MALRD1: variants seen among roughly 807,000 people sequenced by gnomAD.
MALRD1 encodes the protein MAM and LDL-receptor class A domain-containing protein 1.
In MALRD1, 247 loss-of-function variants were observed where a neutral mutation model predicts 242.1. That is an observed-to-expected ratio of 1.02 (90% CI 0.92 to 1.13). The LOEUF is 1.13. MALRD1 is among the 50% of genes most tolerant of loss of function. MALRD1 has a pLI of 0.00. For synonymous variants in MALRD1, 995 were observed against 866.6 expected, an observed-to-expected ratio of 1.15 and a Z score of -2.60; for missense variants, 2,989 against 2,533.1, an observed-to-expected ratio of 1.18 and a Z score of -3.86.
intron 21 of MALRD1, among the ~76,000 whole-genome samples, chr10:19,306,253 A>G (rs1466936527): frequency 1.5e-5 from 2 of 134,864 alleles, no homozygotes; most frequent in African/African-American, 5.4e-5. Context: ...ATACTATACT[A>G]TAGTATAGTA....
chr10:19,502,893 T>C (rs1343477891), intron 31 of MALRD1, among the ~76,000 whole-genome samples: 2 of 151,564 alleles, frequency 1.3e-5, no homozygotes, highest in Non-Finnish European at 2.9e-5. Context: ...ACACGAGTGT[T>C]CAATTGATAC....
intron 21 of MALRD1, among the ~76,000 whole-genome samples, chr10:19,315,260 A>G (rs1257624077): frequency 2.0e-5 from 1 of 51,254 alleles, no homozygotes; most frequent in Non-Finnish European, 3.2e-5. Flanking sequence ...ATATAAATAT[A>G]TAAATATAAT....
At chr10:19,459,076 A>T (rs1835808963) in intron 29 of MALRD1, among the ~76,000 whole-genome samples, 1 of 152,118 alleles carries the variant, frequency 6.6e-6, no homozygotes, top group South Asian at 2.1e-4. Flanking sequence ...TTGGAAGCAA[A>T]TACATTTGCT....
chr10:19,637,219 T>G (rs1426988236), intron 36 of MALRD1, among the ~76,000 whole-genome samples: 1 of 152,144 alleles, frequency 6.6e-6, no homozygotes, highest in East Asian at 1.9e-4. Flanking sequence ...AACTCCCATA[T>G]CTGATGGTTT....
intron 21 of MALRD1, among the ~76,000 whole-genome samples, chr10:19,286,657 C>G (rs1469077819): frequency 1.3e-5 from 2 of 151,726 alleles, no homozygotes; most frequent in African/African-American, 4.8e-5. Flanking sequence ...ATAACAGGAG[C>G]TGAAATTGTG....
At chr10:19,355,123 G>C (rs1406544336) in intron 26 of MALRD1, among the ~76,000 whole-genome samples, 2 of 152,130 alleles carry the variant, frequency 1.3e-5, no homozygotes, top group Admixed American at 1.3e-4. Context: ...GGATATGGTT[G>C]TGAGAGTGCT....
chr10:19,259,581 C>T (rs911874717), intron 19 of MALRD1, among the ~76,000 whole-genome samples: 8 of 152,070 alleles, frequency 5.3e-5, no homozygotes, highest in South Asian at 4.1e-4. Context: ...AGGAAAGACC[C>T]GCCCCCGTGA....
intron 19 of MALRD1, among the ~76,000 whole-genome samples, chr10:19,265,009 C>A (rs1322449980): frequency 6.6e-6 from 1 of 152,042 alleles, no homozygotes; most frequent in Non-Finnish European, 1.5e-5. Flanking sequence ...TTATCTATTT[C>A]TTTAATGCTG....
chr10:19,388,752 C>G (rs1312906711), intron 27 of MALRD1, among the ~76,000 whole-genome samples: 1 of 151,636 alleles, frequency 6.6e-6, no homozygotes, highest in Non-Finnish European at 1.5e-5. Context: ...TACTTTATTC[C>G]TTGGTGAAGG....
intron 38 of MALRD1, 53 bp from the exon 39 acceptor site, chr10:19,730,653 A>G (rs971286404): frequency 9.4e-6 from 14 of 1,489,856 alleles, no homozygotes; most frequent in Non-Finnish European, 1.3e-5. Flanking sequence ...CTGAAAATGT[A>G]CTATGGTAAA....
chr10:19,732,000 A>G (rs1466325946), intron 39 of MALRD1, among the ~76,000 whole-genome samples: 2 of 152,186 alleles, frequency 1.3e-5, no homozygotes, highest in Non-Finnish European at 2.9e-5. Context: ...TTGTGTTTTA[A>G]TCAATAATGA....
At chr10:19,488,018 G>C (rs772465634) in intron 29 of MALRD1, among the ~76,000 whole-genome samples, 1 of 151,934 alleles carries the variant, frequency 6.6e-6, no homozygotes, top group Non-Finnish European at 1.5e-5. Context: ...CTCCACCTCG[G>C]GTACATCACC....
chr10:19,051,000 A>T (rs1834476714), intron 1 of MALRD1, among the ~76,000 whole-genome samples: 1 of 152,194 alleles, frequency 6.6e-6, no homozygotes, highest in Non-Finnish European at 1.5e-5. Flanking sequence ...GAATAAACAG[A>T]TTTCATTTTA....
chr10:19,547,960 C>T (rs1722042949), intron 32 of MALRD1, among the ~76,000 whole-genome samples: 1 of 141,056 alleles, frequency 7.1e-6, no homozygotes, highest in Non-Finnish European at 1.5e-5. Context: ...TGATAATTCT[C>T]CCAGCATTTC....
chr10:19,297,856 G>A (rs1841778377), intron 21 of MALRD1, among the ~76,000 whole-genome samples: 1 of 151,860 alleles, frequency 6.6e-6, no homozygotes, highest in African/African-American at 2.4e-5. Context: ...TATGGGAAAG[G>A]TAATTTTTGA....
intron 32 of MALRD1, among the ~76,000 whole-genome samples, chr10:19,554,514 A>G (rs773936951): frequency 2.0e-5 from 3 of 152,084 alleles, no homozygotes; most frequent in Non-Finnish European, 2.9e-5. Flanking sequence ...CCCAGCATGC[A>G]TTAGCCATTT....
chr10:19,483,331 C>G (rs1352704186), intron 29 of MALRD1, among the ~76,000 whole-genome samples: 3 of 152,062 alleles, frequency 2.0e-5, no homozygotes, highest in Non-Finnish European at 4.4e-5. Flanking sequence ...TAAAGAGCTT[C>G]TGCACAGCAA....
At chr10:19,691,838 A>G (rs1424560710) in intron 36 of MALRD1, among the ~76,000 whole-genome samples, 3 of 152,124 alleles carry the variant, frequency 2.0e-5, no homozygotes, top group African/African-American at 7.2e-5. Flanking sequence ...TGAGAAATAA[A>G]TGTGTTCTTT....
chr10:19,136,418 T>A (rs1284848402), intron 9 of MALRD1, among the ~76,000 whole-genome samples, 156 bp from the exon 10 acceptor site: 1 of 151,954 alleles, frequency 6.6e-6, no homozygotes, highest in African/African-American at 2.4e-5. Context: ...CGTATGAGCA[T>A]GGGTTGAGGT....
Sources: gnomAD v4.1 joint callset for allele counts (sites outside exome capture counted in the v4.1 genomes callset) on GRCh38, gnomAD v4.1.1 for gene constraint, MANE v1.5 for transcripts, NCBI Gene and HGNC (gene_info 2026-07-23, HGNC 2026-07-21) for gene names.